Variants in WDR88 observed in about 807,000 individuals in gnomAD.
The protein encoded by WDR88 is WD repeat-containing protein 88.
WDR88 carries 40 observed loss-of-function variants against 46.8 expected under a neutral mutation model. The ratio of observed to expected loss-of-function variants is 0.86; its 90% CI spans 0.66 to 1.11. WDR88 has a LOEUF of 1.11. Ranked by LOEUF, WDR88 falls within the 50% of genes most tolerant of loss-of-function variation. WDR88 has a pLI of 0.00. For synonymous variants in WDR88, 235 were observed against 240.7 expected, an observed-to-expected ratio of 0.98 and a Z score of 0.22; for missense variants, 562 against 602.4, an observed-to-expected ratio of 0.93 and a Z score of 0.70.
At chr19:33,166,085 C>A (rs181775757) in intron 9 of WDR88, among the ~76,000 whole-genome samples, 4 of 151,248 alleles carry the variant, frequency 2.6e-5, no homozygotes, top group Non-Finnish European at 2.9e-5. Flanking sequence ...CATAGTGAGA[C>A]GCTATCTCTA....
chr19:33,159,724 G>A (rs1973831608), intron 7 of WDR88, among the ~76,000 whole-genome samples: 1 of 152,160 alleles, frequency 6.6e-6, no homozygotes, highest in African/African-American at 2.4e-5. Context: ...CCAGGGACAG[G>A]TTTCATGGAA....
chr19:33,134,917 C>T (rs547018856), intron 1 of WDR88, among the ~76,000 whole-genome samples: 146 of 149,398 alleles, frequency 9.8e-4, no homozygotes, highest in Admixed American at 2.5e-3. Context: ...TCACCCCTGT[C>T]CTCCTGCCAA....
chr19:33,141,468 C>G (rs1007772972), intron 2 of WDR88, among the ~76,000 whole-genome samples: 1 of 151,966 alleles, frequency 6.6e-6, no homozygotes, highest in African/African-American at 2.4e-5. Context: ...GGCCTCAAGC[C>G]GTCCTTCCTC....
chr19:33,156,240 A>G lies in WDR88; in HGVS notation c.810-115A>G, dbSNP rs577181996. On this transcript the variant is annotated intron_variant, in intron 6 of 10. Coordinates refer to ENST00000355868, the MANE Select transcript of WDR88 (RefSeq NM_173479.4). ...TCAGGTCCTCTTGGGGCGAAGTGCT[A>G]GCATGTGCAGCCCGACCATGAGCTC... 24 of 1,072,092 alleles carry G rather than the reference A, an allele frequency of 2.2e-5. 1 individual carries two copies. The highest frequency in any genetic ancestry group is 1.7e-4 in the South Asian group (11 of 65,000). The allele number at this position is 1,072,092 out of a possible 1,614,324, so 66.4% of individuals were successfully genotyped here. A position where few individuals can be genotyped will look rare whatever the true frequency, so the allele number is the denominator to read the frequency against.
chr19:33,172,055 C>T lies in WDR88; in HGVS notation c.1150-293C>T, dbSNP rs748436440. On this transcript the variant is annotated intron_variant, in intron 9 of 10. Coordinates refer to ENST00000355868, the MANE Select transcript of WDR88 (RefSeq NM_173479.4). The stretch of plus-strand genomic sequence containing the variant: ...GTCGGATTACAGGCATGAGCCACCG[C>T]GCCTGGCCATACAGAATAGTTTTAC... 9.2e-5 allele frequency among the ~76,000 whole-genome samples: 14 copies of T among 152,172 alleles called. 1 individual carries two copies. Among genetic ancestry groups the T allele is most frequent in the Middle Eastern group, 6.3e-3 (2 of 316 alleles).
At chr19:33,156,912 A>C (rs1392108345) in intron 7 of WDR88, among the ~76,000 whole-genome samples, 1 of 152,126 alleles carries the variant, frequency 6.6e-6, no homozygotes, top group Admixed American at 6.6e-5. Flanking sequence ...GGAGGCAAAG[A>C]TGGCCGGATG....
chr19:33,172,503 T>G, intron 10 of WDR88, 63 bp downstream of exon 10: 2 of 1,391,038 alleles, frequency 1.4e-6, no homozygotes, highest in Non-Finnish European at 2.0e-6. Context: ...TAAATTAATT[T>G]ATCATTTGAA....
At chr19:33,140,505 G>A (rs565162928) in intron 2 of WDR88, among the ~76,000 whole-genome samples, 4 of 152,184 alleles carry the variant, frequency 2.6e-5, no homozygotes, top group African/African-American at 9.6e-5. Context: ...AAAAAGACAC[G>A]TCGGCTGGGC....
At position 33,148,879 on chromosome 19, in the gene WDR88, C is replaced by T. The variant is rs747174753; in HGVS notation, c.648C>T (p.Ala216=). 11 of 1,613,922 alleles carry T rather than the reference C, an allele frequency of 6.8e-6. No individual in the cohort carries two copies. The highest frequency in any genetic ancestry group is 5.0e-5 in the Admixed American group (3 of 59,976). Residue 216 remains alanine, a synonymous_variant, in exon 5 of 11, where the codon GCC becomes GCT. Transcript: ENST00000355868. ...DVDHGICIMD[A]ENITTVSVIK... ...ATCATGGAATCTGCATAATGGACGC[C>T]GAGAACATCACCACCGTTTCCGTCA... is the stretch of plus-strand genomic sequence containing the variant.
intron 5 of WDR88, among the ~76,000 whole-genome samples, chr19:33,150,389 C>A (rs555059563): frequency 6.6e-6 from 1 of 152,210 alleles, no homozygotes; most frequent in Non-Finnish European, 1.5e-5. Context: ...GTGGAGGTTG[C>A]AGTGAGCCGA....
chr19:33,142,645 CT>C, intron 2 of WDR88: 1 of 151,738 alleles, frequency 6.6e-6, no homozygotes, highest in Middle Eastern at 3.4e-3. Flanking sequence ...GCATCTTTCC[CT>C]TCATGGAGAC....
chr19:33,166,281 TCAAAA>T (rs1973952037), intron 9 of WDR88, among the ~76,000 whole-genome samples: 1 of 45,634 alleles, frequency 2.2e-5, no homozygotes, highest in Non-Finnish European at 3.4e-5. Flanking sequence ...GGTTGTGGTC[TCAAAA>T]AAAAAAAAAA....
In WDR88 at chr19:33,137,732, G is replaced by C. The variant is rs1363482947; in HGVS notation, c.332G>C (p.Cys111Ser). 1 of 1,613,946 alleles carries C rather than the reference G, an allele frequency of 6.2e-7. No individual in the cohort carries two copies. Among genetic ancestry groups the C allele is most frequent in the East Asian group, 2.2e-5 (1 of 44,882 alleles). ...CACGCTGTGAGCACCTGCCACTTCTGTGTGGATGACACAAAGCTCCTCAGT... is the reference window on the plus strand; with the variant it reads ...CACGCTGTGAGCACCTGCCACTTCTCTGTGGATGACACAAAGCTCCTCAGT... ...HEHAVSTCHFCVDDTKLLSGS... is the reference protein window; with the variant it reads ...HEHAVSTCHFSVDDTKLLSGS... The change falls in exon 2 of 11, where the codon TGT becomes TCT. Residue 111 changes from cysteine to serine, a missense_variant. Cys to Ser is a moderately radical substitution (Grantham distance 112). Coordinates refer to ENST00000355868, the MANE Select transcript of WDR88 (RefSeq NM_173479.4).
At chr19:33,156,834 G>T (rs1180100414) in intron 7 of WDR88, among the ~76,000 whole-genome samples, 2 of 152,190 alleles carry the variant, frequency 1.3e-5, no homozygotes, top group Non-Finnish European at 1.5e-5. Context: ...AGTCAATGCT[G>T]TTGGGAACCC....
intron 10 of WDR88, chr19:33,174,190 A>G: frequency 6.5e-7 from 1 of 1,536,446 alleles, no homozygotes; most frequent in Non-Finnish European, 8.7e-7. Flanking sequence ...AGGAAAAGAA[A>G]GAGGCCTACC....
intron 9 of WDR88, among the ~76,000 whole-genome samples, chr19:33,168,864 TTAC>T (rs1973994383): frequency 6.6e-6 from 1 of 152,198 alleles, no homozygotes; most frequent in South Asian, 2.1e-4. Context: ...GACTTTGAAG[TTAC>T]TACAAGTCTA....
At chr19:33,148,655 T>A in intron 4 of WDR88, 117 bp from the exon 5 acceptor site, 1 of 1,264,624 alleles carries the variant, frequency 7.9e-7, no homozygotes, top group South Asian at 1.4e-5. Flanking sequence ...CCCAGGCTAG[T>A]CTCAGGCTCC....
intron 7 of WDR88, among the ~76,000 whole-genome samples, chr19:33,158,454 AAG>A (rs1973804283): frequency 6.6e-6 from 1 of 152,168 alleles, no homozygotes; most frequent in African/African-American, 2.4e-5. Flanking sequence ...AGAAAAAAAA[AAG>A]AATCACATGC....
Position 33,150,132 on chromosome 19 carries a change from T to TA in WDR88, c.680-1042dup, listed in dbSNP as rs538219452. ...TTTACAATTATCTTAAAATTAAAGT[T>TA]AAAAAAATGTGTAATCATTGTAAAG... On this transcript the variant is annotated intron_variant, in intron 5 of 10. Transcript: ENST00000355868. 5.9e-5 allele frequency among the ~76,000 whole-genome samples: 9 copies of TA among 152,114 alleles called. No individual in the cohort carries two copies. In the South Asian group the frequency reaches 1.0e-3, roughly 18 times the overall value.
Sources: gnomAD v4.1 joint callset for allele counts (sites outside exome capture counted in the v4.1 genomes callset) on GRCh38, gnomAD v4.1.1 for gene constraint, MANE v1.5 for transcripts, NCBI Gene and HGNC (gene_info 2026-07-23, HGNC 2026-07-21) for gene names.